The following ZBTB20 variants were observed in gnomAD, a reference collection of about 807,000 sequenced individuals.
The protein encoded by ZBTB20 is zinc finger and BTB domain-containing protein 20.
Under a neutral mutation model 56.9 loss-of-function variants are expected in ZBTB20, and 9 were observed. That is an observed-to-expected ratio of 0.16 (90% CI 0.10 to 0.28). The LOEUF is 0.28. Ranked by LOEUF, ZBTB20 falls within the 10% of genes least tolerant of loss-of-function variation. The pLI, the probability that ZBTB20 is intolerant of heterozygous loss-of-function variation, is 1.00. For synonymous variants in ZBTB20, 417 were observed against 420.7 expected (o/e 0.99, Z 0.11); for missense variants, 655 against 1,003.0 (o/e 0.65, Z 4.69).
At chr3:115,107,731 G>GCTATT (rs2108619159) in intron 1 of ZBTB20, among the ~76,000 whole-genome samples, 1 of 152,222 alleles carries the variant, frequency 6.6e-6, no homozygotes, top group African/African-American at 2.4e-5. Flanking sequence ...TAGCAGACAT[G>GCTATT]GAACCAACCA....
intron 8 of ZBTB20, among the ~76,000 whole-genome samples, chr3:114,384,735 T>A (rs530089982): frequency 2.6e-4 from 40 of 152,218 alleles, no homozygotes; most frequent in African/African-American, 9.2e-4. Context: ...GGCTGAAACA[T>A]AGCAGTGAGT....
intron 7 of ZBTB20, among the ~76,000 whole-genome samples, chr3:114,488,741 C>T (rs2042410776): frequency 6.6e-6 from 1 of 152,200 alleles, no homozygotes; most frequent in Non-Finnish European, 1.5e-5. Flanking sequence ...AGTGTACAAA[C>T]ATGTGTACAT....
At chr3:114,557,448 T>C (rs536648846) in intron 6 of ZBTB20, among the ~76,000 whole-genome samples, 18 of 152,128 alleles carry the variant, frequency 1.2e-4, no homozygotes, top group Non-Finnish European at 2.4e-4. Flanking sequence ...GTATTTGCAG[T>C]ATGTTTTTCA....
chr3:114,547,167 C>T (rs566170720), intron 6 of ZBTB20, among the ~76,000 whole-genome samples: 2 of 152,218 alleles, frequency 1.3e-5, no homozygotes, highest in East Asian at 1.9e-4. Flanking sequence ...AGTAGAGTGG[C>T]CTTACAGCTA....
intron 1 of ZBTB20, among the ~76,000 whole-genome samples, chr3:115,133,632 T>C (rs1294098121): frequency 1.3e-5 from 2 of 152,222 alleles, no homozygotes; most frequent in Non-Finnish European, 2.9e-5. Flanking sequence ...TCACACAGTA[T>C]GTAGCCTTTT....
At chr3:114,547,792 A>C (rs2050070083) in intron 6 of ZBTB20, among the ~76,000 whole-genome samples, 1 of 152,260 alleles carries the variant, frequency 6.6e-6, no homozygotes, top group South Asian at 2.1e-4. Flanking sequence ...CAAGGTTTAC[A>C]ATAAGAAAAC....
chr3:114,343,970 A>G (rs533365701), intron 11 of ZBTB20, among the ~76,000 whole-genome samples: 186 of 152,002 alleles, frequency 1.2e-3, no homozygotes, highest in Middle Eastern at 3.4e-3. Context: ...AATCACTTGA[A>G]CCCGGGAGGT....
intron 2 of ZBTB20, among the ~76,000 whole-genome samples, chr3:115,040,397 T>C (rs2081093623): frequency 6.6e-6 from 1 of 152,164 alleles, no homozygotes; most frequent in Admixed American, 6.5e-5. Context: ...GGCATTTAAC[T>C]TTCCAGAAGA....
In ZBTB20 at chr3:114,350,869, C is replaced by T. The variant is rs768257842; in HGVS notation, c.1209G>A (p.Gln403=). 20 of 1,609,738 alleles carry T rather than the reference C, an allele frequency of 1.2e-5. No homozygotes were observed. The highest frequency in any genetic ancestry group is 1.6e-5 in the Non-Finnish European group (19 of 1,179,976). Residue 403 remains glutamine, a synonymous_variant, in exon 11 of 12, where the codon CAG becomes CAA. Transcript: ENST00000675478. ...CCTGCTCGGGTTGGGTGGGTTCAGC[C>T]TGGCTGTCCCGCGCCGCCCCAGGCC... ...QFGPGAARDS[Q]AEPTQPEQAA...
intron 3 of ZBTB20, among the ~76,000 whole-genome samples, chr3:114,970,660 C>CT (rs2077836647): frequency 6.6e-6 from 1 of 152,152 alleles, no homozygotes; most frequent in African/African-American, 2.4e-5. Flanking sequence ...CTGCATTAAT[C>CT]TTTTCAAGCC....
At chr3:115,067,112 T>A in intron 2 of ZBTB20, among the ~76,000 whole-genome samples, 1 of 152,118 alleles carries the variant, frequency 6.6e-6, no homozygotes, top group East Asian at 1.9e-4. Flanking sequence ...ATTATTATAG[T>A]AAGGGCCAAA....
intron 7 of ZBTB20, among the ~76,000 whole-genome samples, chr3:114,495,527 G>A (rs2109574387): frequency 6.6e-6 from 1 of 152,196 alleles, no homozygotes; most frequent in East Asian, 1.9e-4. Flanking sequence ...AATCTGTCTT[G>A]TGCTGTGTTT....
At chr3:114,740,103 G>A (rs1432744488) in intron 5 of ZBTB20, among the ~76,000 whole-genome samples, 1 of 152,124 alleles carries the variant, frequency 6.6e-6, no homozygotes, top group African/African-American at 2.4e-5. Flanking sequence ...TTTTTTAACA[G>A]CTTATTTTGT....
intron 6 of ZBTB20, among the ~76,000 whole-genome samples, chr3:114,682,066 A>G (rs1283936250): frequency 6.6e-6 from 1 of 152,176 alleles, no homozygotes; most frequent in Non-Finnish European, 1.5e-5. Context: ...AGACTTTATG[A>G]CATCTGATTT....
chr3:114,590,565 C>T (rs2055660197), intron 6 of ZBTB20, among the ~76,000 whole-genome samples: 2 of 150,212 alleles, frequency 1.3e-5, no homozygotes, highest in African/African-American at 4.9e-5. Context: ...ATAAAAATTT[C>T]AGCAGCTGTA....
rs899972897 is a variant in ZBTB20 at position 114,327,703 on chromosome 3, A to T, written c.*11302T>A. Reference sequence around the variant, plus strand: ...GGGTCAAATCTCAAGTCAAATAAAAATACATTTCTGATATTAAATGTTGAT... The same window carrying T: ...GGGTCAAATCTCAAGTCAAATAAAATTACATTTCTGATATTAAATGTTGAT... On this transcript the variant is annotated 3_prime_UTR_variant, in exon 12 of 12. Coordinates refer to ENST00000675478, the MANE Select transcript of ZBTB20 (RefSeq NM_001348800.3). The T allele has an allele frequency of 1.3e-5, 2 of 152,228 alleles. No individual in the cohort carries two copies. The highest frequency in any genetic ancestry group is 1.3e-4 in the Admixed American group (2 of 15,278). 9.4% of individuals were successfully genotyped at this position (152,228 alleles called of 1,614,324 possible). A position where few individuals can be genotyped will look rare whatever the true frequency, so the allele number is the denominator to read the frequency against.
At position 114,769,552 on chromosome 3, in the gene ZBTB20, C is replaced by CATATAT. The variant is rs6148023; in HGVS notation, c.-343+31543_-343+31548dup. On this transcript the variant is annotated intron_variant, in intron 5 of 11. Transcript: ENST00000675478. ...CTTTGTTTTACTGTGTGCCAAAATG[C>CATATAT]ATATATATATATATATATATATATA... is the stretch of plus-strand genomic sequence containing the variant. Among the ~76,000 whole-genome samples the CATATAT allele has an allele frequency of 2.5e-3, 291 of 116,614 alleles. 5 individuals carry two copies. The highest frequency in any genetic ancestry group is 6.3e-3 in the African/African-American group (140 of 22,202). 76.5% of individuals were successfully genotyped at this position (116,614 alleles called of 152,430 possible).
At chr3:114,928,322 T>G (rs1318363087) in intron 3 of ZBTB20, among the ~76,000 whole-genome samples, 1 of 150,836 alleles carries the variant, frequency 6.6e-6, no homozygotes, top group Non-Finnish European at 1.5e-5. Flanking sequence ...TCTTCAATGA[T>G]GGAGAACCTC....
intron 5 of ZBTB20, among the ~76,000 whole-genome samples, chr3:114,795,623 C>G (rs1027997002): frequency 6.6e-6 from 1 of 152,122 alleles, no homozygotes; most frequent in Non-Finnish European, 1.5e-5. Context: ...AAAGGACACT[C>G]TCTCTGAGAA....
Sources: gnomAD v4.1 joint callset for allele counts (sites outside exome capture counted in the v4.1 genomes callset) on GRCh38, gnomAD v4.1.1 for gene constraint, MANE v1.5 for transcripts, NCBI Gene and HGNC (gene_info 2026-07-23, HGNC 2026-07-21) for gene names.